GPC5: variants seen among roughly 807,000 people sequenced by gnomAD.
GPC5 encodes the protein glypican-5.
Under a neutral mutation model 53.9 loss-of-function variants are expected in GPC5, and 47 were observed. The observed-to-expected ratio is 0.87, with a 90% confidence interval of 0.69 to 1.11. The LOEUF is 1.11. Among genes scored for constraint, GPC5 ranks in the 50% most tolerant of loss-of-function variants. The probability of loss-of-function intolerance (pLI) is 0.00; values close to 1 mark genes in which losing one functional copy is unlikely to be tolerated. For synonymous variants in GPC5, 286 were observed against 263.3 expected (o/e 1.09, Z -0.84); for missense variants, 748 against 713.1 (o/e 1.05, Z -0.56).
intron 7 of GPC5, among the ~76,000 whole-genome samples, chr13:92,158,200 G>A (rs2041959195): frequency 6.6e-6 from 1 of 152,134 alleles, no homozygotes; most frequent in Non-Finnish European, 1.5e-5. Flanking sequence ...CTCAATGTTT[G>A]CACTCTTCCT....
At chr13:92,003,343 A>G (rs1454521783) in intron 6 of GPC5, among the ~76,000 whole-genome samples, 1 of 150,874 alleles carries the variant, frequency 6.6e-6, no homozygotes, top group African/African-American at 2.4e-5. Flanking sequence ...AAAAAAAAAA[A>G]AGAAAAGAAA....
At chr13:92,435,595 G>A (rs200202175) in intron 7 of GPC5, among the ~76,000 whole-genome samples, 4 of 152,324 alleles carry the variant, frequency 2.6e-5, no homozygotes, top group South Asian at 4.1e-4. Context: ...AGTTTGAAAT[G>A]TCTGAAAAGA....
intron 7 of GPC5, among the ~76,000 whole-genome samples, chr13:92,345,674 T>C (rs1256001138): frequency 1.3e-5 from 2 of 152,168 alleles, no homozygotes; most frequent in African/African-American, 4.8e-5. Context: ...GTCAGCACAA[T>C]GCCAGACAGA....
At position 91,741,914 on chromosome 13, in the gene GPC5, A is replaced by G. The variant is rs114242679; in HGVS notation, c.1154+13249A>G. 8.3e-3 allele frequency among the ~76,000 whole-genome samples: 1,258 copies of G among 152,290 alleles called. 22 individuals are homozygous for G. The highest frequency in any genetic ancestry group is 0.029 in the African/African-American group (1,226 of 41,562). ...AGCAGTTTACAATCTATTTCCTCGT[A>G]AGTGAAAGTTAGTGCGTCTTTGAGG... On this transcript the variant is annotated intron_variant, in intron 4 of 7. Transcript: ENST00000377067.
intron 7 of GPC5, among the ~76,000 whole-genome samples, chr13:92,756,729 C>A (rs1233158164): frequency 6.9e-6 from 1 of 144,984 alleles, no homozygotes; most frequent in Non-Finnish European, 1.5e-5. Context: ...CTCCCATTCA[C>A]AATTGCTTCA....
chr13:91,542,036 A>G (rs200297677), intron 2 of GPC5, among the ~76,000 whole-genome samples: 1 of 33,852 alleles, frequency 3.0e-5, no homozygotes, highest in Non-Finnish European at 8.5e-5. Context: ...TAATATTAAT[A>G]ATGTATTAAT....
Position 92,178,488 on chromosome 13 carries a change from C to T in GPC5, c.1561+33499C>T, listed in dbSNP as rs143274812. ...GTAATTTCTGATATATACTATTAAC[C>T]TCAAGTTACTATATATATACTATTA... On this transcript the variant is annotated intron_variant, in intron 7 of 7. Coordinates refer to ENST00000377067, the MANE Select transcript of GPC5 (RefSeq NM_004466.6). Among the ~76,000 whole-genome samples the T allele has an allele frequency of 7.6e-3, 1,144 of 149,710 alleles. 9 individuals carry two copies. The highest frequency in any genetic ancestry group is 0.031 in the South Asian group (149 of 4,774).
chr13:92,024,707 G>A (rs979054174), intron 6 of GPC5, among the ~76,000 whole-genome samples: 1 of 152,004 alleles, frequency 6.6e-6, no homozygotes, highest in Non-Finnish European at 1.5e-5. Context: ...AACTGTGGAG[G>A]CATATTTCAA....
At chr13:91,445,953 C>T (rs1459289983) in intron 1 of GPC5, among the ~76,000 whole-genome samples, 2 of 152,204 alleles carry the variant, frequency 1.3e-5, no homozygotes, top group African/African-American at 4.8e-5. Context: ...CTCCTGATCT[C>T]AGATCCTTCA....
At chr13:91,456,909 G>A (rs552886347) in intron 2 of GPC5, among the ~76,000 whole-genome samples, 1 of 150,796 alleles carries the variant, frequency 6.6e-6, no homozygotes, top group African/African-American at 2.4e-5. Context: ...TTTCTATGCA[G>A]TAAAATGTTT....
intron 6 of GPC5, among the ~76,000 whole-genome samples, chr13:91,967,711 T>C (rs2040194126): frequency 6.6e-6 from 1 of 152,060 alleles, no homozygotes; most frequent in African/African-American, 2.4e-5. Context: ...ATATTATTGT[T>C]AATTTTGTAA....
intron 2 of GPC5, among the ~76,000 whole-genome samples, chr13:91,521,248 A>T (rs1885801122): frequency 6.6e-6 from 1 of 152,228 alleles, no homozygotes; most frequent in African/African-American, 2.4e-5. Context: ...AATTCAGAAA[A>T]TGTAATGTAA....
At chr13:92,121,776 T>C (rs1375590750) in intron 6 of GPC5, among the ~76,000 whole-genome samples, 1 of 152,188 alleles carries the variant, frequency 6.6e-6, no homozygotes, top group African/African-American at 2.4e-5. Flanking sequence ...TTTTCTCTCA[T>C]TCACAGGATA....
rs545387696 is a variant in GPC5, at chr13:92,204,995, C to G, written c.1561+60006C>G. ...CTGGGTTCATGCCATTCTCCTGCCT[C>G]AGCCTCTCCAGTAGCTGGGACTACA... is the stretch of plus-strand genomic sequence containing the variant. On this transcript the variant is annotated intron_variant, in intron 7 of 7. Coordinates refer to ENST00000377067, the MANE Select transcript of GPC5 (RefSeq NM_004466.6). Among the ~76,000 whole-genome samples the G allele has an allele frequency of 2.7e-4, 41 of 152,212 alleles. No homozygotes were observed. The East Asian group carries it at 7.0e-3, about 26-fold the overall frequency.
chr13:91,468,562 G>A (rs1224253273), intron 2 of GPC5, among the ~76,000 whole-genome samples: 4 of 152,114 alleles, frequency 2.6e-5, no homozygotes, highest in Non-Finnish European at 5.9e-5. Flanking sequence ...TGAGGTTACC[G>A]GAAGTGAGGT....
intron 2 of GPC5, among the ~76,000 whole-genome samples, chr13:91,514,362 A>T (rs1885386947): frequency 6.6e-6 from 1 of 152,106 alleles, no homozygotes. Context: ...GTGCTATCTC[A>T]TGTGTTTAAT....
At chr13:92,101,626 C>A (rs2041468145) in intron 6 of GPC5, among the ~76,000 whole-genome samples, 1 of 152,178 alleles carries the variant, frequency 6.6e-6, no homozygotes, top group African/African-American at 2.4e-5. Context: ...TTACAGTTTA[C>A]AACATCAAAT....
At chr13:91,860,797 C>T (rs780933551) in intron 5 of GPC5, among the ~76,000 whole-genome samples, 3 of 152,114 alleles carry the variant, frequency 2.0e-5, no homozygotes, top group East Asian at 1.9e-4. Flanking sequence ...CCGCCGTGCC[C>T]GGCCTGTATA....
At chr13:92,464,440 A>G (rs1594224823) in intron 7 of GPC5, among the ~76,000 whole-genome samples, 1 of 152,074 alleles carries the variant, frequency 6.6e-6, no homozygotes, top group East Asian at 1.9e-4. Context: ...AATAAACTCC[A>G]TATTTTTTTT....
Sources: allele counts gnomAD v4.1 joint callset (sites outside exome capture counted in the v4.1 genomes callset), GRCh38; gene constraint gnomAD v4.1.1; transcripts MANE v1.5; gene names NCBI Gene and HGNC (gene_info 2026-07-23, HGNC 2026-07-21).